Variants in MAP3K2 observed in about 807,000 individuals in gnomAD.
MAP3K2 encodes the protein mitogen-activated protein kinase kinase kinase 2.
A neutral mutation model predicts 80.3 loss-of-function variants in MAP3K2; 24 were observed. The observed-to-expected ratio is 0.30, with a 90% CI of 0.22 to 0.42. MAP3K2 has a LOEUF of 0.42. MAP3K2 is among the 10% of genes least tolerant of loss of function. The pLI is 1.00. For missense variants in MAP3K2, 608 were observed against 750.1 expected (o/e 0.81, Z 2.21); for synonymous variants, 244 against 253.7 (o/e 0.96, Z 0.36).
intron 8 of MAP3K2, 91 bp from the exon 9 acceptor site, chr2:127,325,898 G>T: frequency 1.2e-6 from 1 of 812,660 alleles, no homozygotes. Context: ...CATACTTCAT[G>T]TAACATAAAA....
intron 1 of MAP3K2, among the ~76,000 whole-genome samples, chr2:127,378,384 A>G (rs1687185127): frequency 6.6e-6 from 1 of 152,222 alleles, no homozygotes; most frequent in African/African-American, 2.4e-5. Context: ...CAAATTAAAC[A>G]ACACTCTCCA....
chr2:127,349,735 T>C (rs1686660286), intron 1 of MAP3K2, among the ~76,000 whole-genome samples: 1 of 152,176 alleles, frequency 6.6e-6, no homozygotes. Context: ...AATTTACCTT[T>C]TGAGGAAACA....
chr2:127,303,146 T>A lies in MAP3K2; in HGVS notation c.*4433A>T, dbSNP rs1042404923. 2 of 152,000 alleles carry A rather than the reference T, an allele frequency of 1.3e-5. No individual in the cohort carries two copies. The highest frequency in any genetic ancestry group is 1.3e-4 in the Admixed American group (2 of 15,266). 9.4% of individuals were successfully genotyped at this position (152,000 alleles called of 1,614,324 possible). ...ACCAATCTTAAAATTCAAATAAATA[T>A]GAACATTACATTTGTAAAACAAAGG... On this transcript the variant is annotated 3_prime_UTR_variant, in exon 17 of 17. Coordinates refer to ENST00000682094, the MANE Select transcript of MAP3K2 (RefSeq NM_001371910.2).
intron 1 of MAP3K2, among the ~76,000 whole-genome samples, chr2:127,385,927 T>C (rs1473510919): frequency 1.3e-5 from 2 of 152,218 alleles, no homozygotes; most frequent in Non-Finnish European, 2.9e-5. Flanking sequence ...TAACAGCTAG[T>C]TTCTCAAAAG....
chr2:127,388,292 C>G (rs1687422242), upstream of MAP3K2: 1 of 985,380 alleles, frequency 1.0e-6, no homozygotes, highest in African/African-American at 1.7e-5. Flanking sequence ...CCCAGACATC[C>G]GAGTAGATCC....
chr2:127,366,963 C>T (rs1025039699), intron 1 of MAP3K2, among the ~76,000 whole-genome samples: 4 of 151,118 alleles, frequency 2.6e-5, no homozygotes, highest in African/African-American at 4.9e-5. Context: ...CTCCACCTCC[C>T]GGATTCAAGC....
In MAP3K2 at chr2:127,324,004, C is replaced by A; in HGVS notation, c.746-10G>T. ...ATAGGGTTATCATAGTCTGTTAAGACATATAAGATGGTTATCTTTTATTTA... is the reference window on the plus strand; with the variant it reads ...ATAGGGTTATCATAGTCTGTTAAGAAATATAAGATGGTTATCTTTTATTTA... On this transcript the variant is annotated splice_polypyrimidine_tract_variant and intron_variant, in intron 10 of 16. Transcript: ENST00000682094. 1 of 1,290,324 alleles carries A rather than the reference C, an allele frequency of 7.7e-7. No homozygotes were observed. The highest frequency in any genetic ancestry group is 2.4e-5 in the Admixed American group (1 of 42,232). The allele number at this position is 1,290,324 out of a possible 1,614,324, so 79.9% of individuals were successfully genotyped here.
chr2:127,384,235 T>TATATATATATA (rs1558993419), intron 1 of MAP3K2, among the ~76,000 whole-genome samples: 8 of 147,350 alleles, frequency 5.4e-5, no homozygotes, highest in Non-Finnish European at 4.5e-5. Context: ...TATATATATA[T>TATATATATATA]TGCTTTTTTA....
At chr2:127,377,219 T>C (rs1211993707) in intron 1 of MAP3K2, among the ~76,000 whole-genome samples, 1 of 152,156 alleles carries the variant, frequency 6.6e-6, no homozygotes. Flanking sequence ...TTATTTAAAA[T>C]AGACGAGTTT....
chr2:127,371,332 T>C (rs770091213), intron 1 of MAP3K2, among the ~76,000 whole-genome samples: 3 of 152,186 alleles, frequency 2.0e-5, no homozygotes, highest in African/African-American at 4.8e-5. Flanking sequence ...CCCATGCCGA[T>C]GTACAACAAC....
At chr2:127,384,663 G>C (rs1221563746) in intron 1 of MAP3K2, among the ~76,000 whole-genome samples, 1 of 151,734 alleles carries the variant, frequency 6.6e-6, no homozygotes, top group Non-Finnish European at 1.5e-5. Context: ...AGGAAACAAA[G>C]TGGCCTTTTT....
At chr2:127,330,529 T>C (rs1314612877) in intron 5 of MAP3K2, 24 bp from the exon 6 acceptor site, 2 of 1,192,596 alleles carry the variant, frequency 1.7e-6, no homozygotes, top group African/African-American at 1.5e-5. Flanking sequence ...TAAGGAACCA[T>C]GCAGCTATCT....
Position 127,308,674 on chromosome 2 carries a change from C to T in MAP3K2, c.1545G>A (p.Gly515=). The change falls in exon 16 of 17, where the codon GGG becomes GGA. Residue 515 remains glycine, a synonymous_variant. Coordinates refer to ENST00000682094, the MANE Select transcript of MAP3K2 (RefSeq NM_001371910.2). ...TGCCCGTGACAGACTTCATTCCTGT[C>T]CCTGAGAGACAGATGGTCTGAAGCC... ...SKRLQTICLS[G]TGMKSVTGTP... 1 of 1,613,972 alleles carries T rather than the reference C, an allele frequency of 6.2e-7. No individual in the cohort carries two copies. The highest frequency in any genetic ancestry group is 8.5e-7 in the Non-Finnish European group (1 of 1,179,874).
chr2:127,329,220 A>C (rs754783392), intron 7 of MAP3K2, among the ~76,000 whole-genome samples: 27 of 152,260 alleles, frequency 1.8e-4, no homozygotes, highest in South Asian at 1.2e-3. Context: ...ATAATATAAA[A>C]ATTCTTAGTA....
At chr2:127,355,960 T>C (rs1204678863) in intron 1 of MAP3K2, among the ~76,000 whole-genome samples, 4 of 152,184 alleles carry the variant, frequency 2.6e-5, no homozygotes, top group African/African-American at 9.7e-5. Flanking sequence ...GTAGATTCCA[T>C]CTCAAGAAGC....
At chr2:127,308,546 G>A (rs960677787) in intron 16 of MAP3K2, 39 bp downstream of exon 16, 11 of 1,505,900 alleles carry the variant, frequency 7.3e-6, no homozygotes, top group Admixed American at 6.0e-5. Flanking sequence ...ATACATAGGC[G>A]GCAGGTGGTT....
chr2:127,361,043 G>A (rs1008656211), intron 1 of MAP3K2, among the ~76,000 whole-genome samples: 2 of 152,024 alleles, frequency 1.3e-5, no homozygotes, highest in African/African-American at 4.8e-5. Context: ...GCAGGGCGCG[G>A]TGGCTCAAGC....
intron 15 of MAP3K2, among the ~76,000 whole-genome samples, chr2:127,314,541 G>C (rs1039308005): frequency 3.3e-5 from 5 of 152,134 alleles, no homozygotes; most frequent in Non-Finnish European, 7.3e-5. Context: ...AACTTTACTG[G>C]TTCTGTGAGC....
intron 15 of MAP3K2, among the ~76,000 whole-genome samples, chr2:127,313,529 G>C (rs1163218326): frequency 6.6e-6 from 1 of 152,110 alleles, no homozygotes; most frequent in Non-Finnish European, 1.5e-5. Flanking sequence ...TAATTAGGAC[G>C]TGCCACACCT....
Sources: allele counts gnomAD v4.1 joint callset (sites outside exome capture counted in the v4.1 genomes callset), GRCh38; gene constraint gnomAD v4.1.1; transcripts MANE v1.5; gene names NCBI Gene and HGNC (gene_info 2026-07-23, HGNC 2026-07-21).